Variants in AMPD3 observed in about 807,000 individuals in gnomAD.
AMPD3 encodes the protein AMP deaminase 3.
In AMPD3, 57 loss-of-function variants were observed where a neutral mutation model predicts 82.3. That is an observed-to-expected ratio of 0.69 (90% CI 0.56 to 0.86). The LOEUF (loss-of-function observed/expected upper bound fraction) is 0.86, where lower values mean the gene tolerates loss of function less well. AMPD3 is among the 40% of genes least tolerant of loss of function. AMPD3 has a pLI of 0.00. For synonymous variants in AMPD3, 381 were observed against 394.7 expected (o/e 0.97, Z 0.41); for missense variants, 870 against 1,003.8 (o/e 0.87, Z 1.80).
chr11:10,487,219 C>T lies in AMPD3; in HGVS notation c.810-16C>T. The T allele has an allele frequency of 6.2e-7, 1 of 1,613,978 alleles. No individual in the cohort carries two copies. The highest frequency in any genetic ancestry group is 8.5e-7 in the Non-Finnish European group (1 of 1,179,932). On this transcript the variant is annotated splice_polypyrimidine_tract_variant and intron_variant, in intron 5 of 14. Transcript: ENST00000396553. ...ATGCGACTCAACTATGGTCTCTCCC[C>T]ATCTCCAACTTGCAGGAAAACCTAT... is the stretch of plus-strand genomic sequence containing the variant.
At chr11:10,464,840 A>G (rs1332062915) in intron 2 of AMPD3, among the ~76,000 whole-genome samples, 1 of 152,252 alleles carries the variant, frequency 6.6e-6, no homozygotes, top group Admixed American at 6.5e-5. Context: ...ACAGAATTCT[A>G]TAATCTGGCT....
upstream of AMPD3, chr11:10,450,723 T>G: frequency 9.1e-7 from 1 of 1,097,202 alleles, no homozygotes; most frequent in Non-Finnish European, 1.1e-6. Flanking sequence ...CCCGGGCGCT[T>G]CAGGTAGCCT....
rs761847643 is a variant in AMPD3, at chr11:10,456,393, C to A, written c.-6+945C>A. The A allele has an allele frequency of 1.2e-6, 2 of 1,613,778 alleles. No individual in the cohort carries two copies. Among genetic ancestry groups the A allele is most frequent in the South Asian group, 1.1e-5 (1 of 91,082 alleles). ...GGCATCTTCAGGACCAGTCATGGAG[C>A]CAGGCTCAGGTCTGTGTCGGGGCTT... On this transcript the variant is annotated intron_variant, in intron 1 of 14. Transcript: ENST00000396553. This position sits in a 1 kb window ranked among gnomAD's most constrained non-coding sequence, Gnocchi z 4.3.
At position 10,499,968 on chromosome 11, in the gene AMPD3, G is replaced by C. The variant is rs1849529374; in HGVS notation, c.1558-118G>C. ...GCAGGCCAAGGGGTCCCCAGCTGAGGTGTGAACCTGAGGGGCCCAGACCCA... is the reference window on the plus strand; with the variant it reads ...GCAGGCCAAGGGGTCCCCAGCTGAGCTGTGAACCTGAGGGGCCCAGACCCA... On this transcript the variant is annotated intron_variant, in intron 10 of 14. Coordinates refer to ENST00000396553, the MANE Select transcript of AMPD3 (RefSeq NM_001025389.2). 94 of 1,541,940 alleles carry C rather than the reference G, an allele frequency of 6.1e-5. 2 individuals carry two copies. The South Asian group carries it at 1.1e-3, about 18-fold the overall frequency.
At chr11:10,490,651 G>A in intron 6 of AMPD3, 5 of 985,406 alleles carry the variant, frequency 5.1e-6, no homozygotes, top group Non-Finnish European at 6.0e-6. Flanking sequence ...TTCCTGGATT[G>A]TCCAGTTGTT....
intron 14 of AMPD3, 179 bp from the exon 15 acceptor site, chr11:10,505,529 T>C: frequency 1.0e-6 from 1 of 985,366 alleles, no homozygotes. Flanking sequence ...GGTGACATCC[T>C]TGAGGACACA....
chr11:10,472,641 T>C (rs1354096094), intron 2 of AMPD3, among the ~76,000 whole-genome samples: 2 of 152,196 alleles, frequency 1.3e-5, no homozygotes, highest in Non-Finnish European at 2.9e-5. Flanking sequence ...ATGGGGAACT[T>C]TTTAAACATT....
rs747307307 is a variant in AMPD3, at chr11:10,500,178, G to GCGTT, written c.1651_1652insGTTC (p.Gln551ArgfsTer55). 1 of 1,614,224 alleles carries GCGTT rather than the reference G, an allele frequency of 6.2e-7. No individual in the cohort carries two copies. The highest frequency in any genetic ancestry group is 8.5e-7 in the Non-Finnish European group (1 of 1,180,040). On this transcript the variant is annotated frameshift_variant, in exon 11 of 15. Transcript: ENST00000396553. LOFTEE classifies it high-confidence loss of function. The stretch of plus-strand genomic sequence containing the variant: ...CAAACCCGGACGTCTGGACCAGTGA[G>GCGTT]CAGAACCCACCCTACAGCTACTACC...
At chr11:10,451,101 C>A, upstream of AMPD3, 1 of 1,545,394 alleles carries the variant, frequency 6.5e-7, no homozygotes, top group Non-Finnish European at 8.7e-7. Context: ...ACCCTGCGGC[C>A]CAGGCGGGAA....
At chr11:10,464,004 T>A (rs1848346234) in intron 2 of AMPD3, among the ~76,000 whole-genome samples, 2 of 152,196 alleles carry the variant, frequency 1.3e-5, no homozygotes, top group African/African-American at 4.8e-5. Flanking sequence ...CTCACTGTCA[T>A]GCTCTGTGAC....
intron 13 of AMPD3, among the ~76,000 whole-genome samples, 172 bp downstream of exon 13, chr11:10,503,066 C>T (rs1223927311): frequency 6.6e-6 from 1 of 152,168 alleles, no homozygotes; most frequent in Non-Finnish European, 1.5e-5. Flanking sequence ...CATCCAGGAG[C>T]CCTTTCTTTG....
intron 4 of AMPD3, among the ~76,000 whole-genome samples, chr11:10,483,297 G>C (rs1271860483): frequency 1.3e-5 from 2 of 152,110 alleles, no homozygotes; most frequent in African/African-American, 4.8e-5. Flanking sequence ...GAAAGTTGGT[G>C]GTGGGGGACA....
chr11:10,459,968 A>G (rs1379981798), intron 1 of AMPD3, among the ~76,000 whole-genome samples: 4 of 151,202 alleles, frequency 2.6e-5, no homozygotes, highest in Non-Finnish European at 4.4e-5. Context: ...GTCAAGTGGG[A>G]ATAATAAGAT....
chr11:10,471,024 A>G lies in AMPD3; in HGVS notation c.222-7502A>G, dbSNP rs191369215. ...AGCCAAGACAATTCTAAGCAAGAAG[A>G]ACAAAGCTGGAGGCATCACGCTACC... On this transcript the variant is annotated intron_variant, in intron 2 of 14. Transcript: ENST00000396553. Among the ~76,000 whole-genome samples, 419 of 152,362 alleles carry G rather than the reference A, an allele frequency of 2.8e-3. 1 individual carries two copies. The highest frequency in any genetic ancestry group is 9.4e-3 in the African/African-American group (389 of 41,578).
At chr11:10,450,860 G>A, upstream of AMPD3, 2 of 1,206,302 alleles carry the variant, frequency 1.7e-6, no homozygotes, top group Non-Finnish European at 2.1e-6. Flanking sequence ...CCGGGGATCC[G>A]CAGCGCTGCG....
At position 10,493,364 on chromosome 11, in the gene AMPD3, C is replaced by T. The variant is rs766604082; in HGVS notation, c.955C>T (p.His319Tyr). Reference protein sequence around the residue: ...YNVRKVDTHIHAAACMNQKHL... With the variant: ...YNVRKVDTHIYAAACMNQKHL... Reference sequence around the variant, plus strand: ...TGTGTTCCAGGTGGACACACACATCCATGCGGCCGCCTGCATGAACCAAAA... The same window carrying T: ...TGTGTTCCAGGTGGACACACACATCTATGCGGCCGCCTGCATGAACCAAAA... The change falls in exon 7 of 15, where the codon CAT (histidine) becomes TAT (tyrosine). Residue 319 changes from histidine (H) to tyrosine (Y), a missense_variant. Transcript: ENST00000396553. 3 of 1,614,198 alleles carry T rather than the reference C, an allele frequency of 1.9e-6. No homozygotes were observed. The South Asian group carries it at 3.3e-5, about 18-fold the overall frequency.
chr11:10,467,919 G>T (rs576747819), intron 2 of AMPD3, among the ~76,000 whole-genome samples: 1 of 152,252 alleles, frequency 6.6e-6, no homozygotes, highest in South Asian at 2.1e-4. Context: ...GCCAAACAAA[G>T]CTTCATAAGC....
chr11:10,486,057 C>T (rs1849059554), intron 5 of AMPD3, among the ~76,000 whole-genome samples: 1 of 152,102 alleles, frequency 6.6e-6, no homozygotes, highest in Non-Finnish European at 1.5e-5. Flanking sequence ...TCTTAGTCCT[C>T]CCTGATCTGA....
At position 10,456,720 on chromosome 11, in the gene AMPD3, CAGCTGG is replaced by C. The variant is rs1230925695; in HGVS notation, c.-6+1278_-6+1283del. On this transcript the variant is annotated intron_variant, in intron 1 of 14. Coordinates refer to ENST00000396553, the MANE Select transcript of AMPD3 (RefSeq NM_001025389.2). The surrounding 1 kb of genome is among the most constrained non-coding windows in gnomAD (Gnocchi z 4.3). ...GGGTTGGAAGCCAGGCGTGAACATGCAGCTGGAGCTGAAGCTCTGCTTGGCATCTGC... is the reference window on the plus strand; with the variant it reads ...GGGTTGGAAGCCAGGCGTGAACATGCAGCTGAAGCTCTGCTTGGCATCTGC... 3.4e-6 allele frequency: 2 copies of C among 580,004 alleles called. No homozygotes were observed. Among genetic ancestry groups the C allele is most frequent in the Non-Finnish European group, 4.3e-6 (2 of 459,812 alleles). 35.9% of individuals were successfully genotyped at this position (580,004 alleles called of 1,614,324 possible). A position where few individuals can be genotyped will look rare whatever the true frequency, so the allele number is the denominator to read the frequency against.
Sources: allele counts gnomAD v4.1 joint callset (sites outside exome capture counted in the v4.1 genomes callset), GRCh38; gene constraint gnomAD v4.1.1; non-coding constraint Gnocchi (gnomAD v3.1); transcripts MANE v1.5; gene names NCBI Gene and HGNC (gene_info 2026-07-23, HGNC 2026-07-21).